QRICH1: variants seen among roughly 807,000 people sequenced by gnomAD.
QRICH1 encodes transcriptional regulator QRICH1.
Under a neutral mutation model 87.1 loss-of-function variants are expected in QRICH1, and 16 were observed. The ratio of observed to expected loss-of-function variants is 0.18; its 90% CI spans 0.12 to 0.28. The LOEUF (loss-of-function observed/expected upper bound fraction) is 0.28, where lower values mean the gene tolerates loss of function less well. Among genes scored for constraint, QRICH1 ranks in the 10% least tolerant of loss-of-function variants. The pLI, the probability that QRICH1 is intolerant of heterozygous loss-of-function variation, is 1.00. For synonymous variants in QRICH1, 367 were observed against 368.4 expected, an observed-to-expected ratio of 1.00 and a Z score of 0.05; for missense variants, 647 against 951.7, an observed-to-expected ratio of 0.68 and a Z score of 4.21.
intron 3 of QRICH1, among the ~76,000 whole-genome samples, chr3:49,054,277 G>C (rs1214039087): frequency 6.6e-6 from 1 of 152,120 alleles, no homozygotes; most frequent in Non-Finnish European, 1.5e-5. Flanking sequence ...AGCTAGGGGA[G>C]GCCTAATGGG....
intron 6 of QRICH1, among the ~76,000 whole-genome samples, chr3:49,039,383 G>A (rs1293627373): frequency 2.0e-5 from 3 of 150,578 alleles, no homozygotes; most frequent in Admixed American, 6.6e-5. Flanking sequence ...AAATAAATAA[G>A]TAAGTAAGTA....
Position 49,054,853 on chromosome 3 carries a change from G to C in QRICH1, c.1338+2009C>G, listed in dbSNP as rs553805258. ...GGAGTTAGAGGCTACAGTGAATTATGATCACTACCATACTCCTACCTGGGA... is the reference window on the plus strand; with the variant it reads ...GGAGTTAGAGGCTACAGTGAATTATCATCACTACCATACTCCTACCTGGGA... On this transcript the variant is annotated intron_variant, in intron 3 of 9. Coordinates refer to ENST00000395443, the MANE Select transcript of QRICH1 (RefSeq NM_198880.3). Among the ~76,000 whole-genome samples the C allele has an allele frequency of 8.5e-5, 13 of 152,228 alleles. No homozygotes were observed. In the South Asian group the frequency reaches 2.7e-3, roughly 32 times the overall value.
intron 1 of QRICH1, among the ~76,000 whole-genome samples, chr3:49,086,596 C>T (rs2042170713): frequency 6.6e-6 from 1 of 152,106 alleles, no homozygotes; most frequent in Non-Finnish European, 1.5e-5. Flanking sequence ...TGATGCACAG[C>T]AATTCTTCAC....
intron 5 of QRICH1, among the ~76,000 whole-genome samples, chr3:49,046,038 C>A (rs534029068): frequency 7.4e-4 from 113 of 151,968 alleles, no homozygotes; most frequent in African/African-American, 2.6e-3. Context: ...GCCTCAGCCT[C>A]CCAAATAGCA....
At chr3:49,092,444 G>A (rs2042294306) in intron 1 of QRICH1, 1 of 151,932 alleles carries the variant, frequency 6.6e-6, no homozygotes, top group South Asian at 2.1e-4. Flanking sequence ...GAGTTCTTAA[G>A]ACTTCTAATA....
At position 49,041,491 on chromosome 3, in the gene QRICH1, C is replaced by A. The variant is rs145252508; in HGVS notation, c.1786+2899G>T. Among the ~76,000 whole-genome samples the A allele has an allele frequency of 7.5e-3, 1,139 of 152,050 alleles. 10 individuals are homozygous for A. Among genetic ancestry groups the A allele is most frequent in the African/African-American group, 0.026 (1,086 of 41,472 alleles). On this transcript the variant is annotated intron_variant, in intron 6 of 9. Coordinates refer to ENST00000395443, the MANE Select transcript of QRICH1 (RefSeq NM_198880.3). The stretch of plus-strand genomic sequence containing the variant: ...TACAGGTGTGAGCTACCAGGCCCAG[C>A]CTAGATATTTATTATGAATGAGATG...
chr3:49,088,612 T>C (rs1365451743), intron 1 of QRICH1, among the ~76,000 whole-genome samples: 10 of 149,646 alleles, frequency 6.7e-5, no homozygotes, highest in Admixed American at 2.7e-4. Flanking sequence ...CACCAGGCTT[T>C]TGTCTGTTTT....
rs1037327350 is a variant in QRICH1, at chr3:49,057,852, C to T, written c.348G>A (p.Ser116=). The change falls in exon 3 of 10, where the codon TCG becomes TCA. Residue 116 remains serine, a synonymous_variant. Transcript: ENST00000395443. The surrounding 1 kb of genome is among the most constrained non-coding windows in gnomAD (Gnocchi z 5.4). ...CGGTGAGTTGTGGGGAGAGCTGAGCCGAGACCTGTTGCGGAGACTGCTGTA... is the reference window on the plus strand; with the variant it reads ...CGGTGAGTTGTGGGGAGAGCTGAGCTGAGACCTGTTGCGGAGACTGCTGTA... ...VQVQQSPQQV[S]AQLSPQLTVH... 6.2e-6 allele frequency: 10 copies of T among 1,613,952 alleles called. No homozygotes were observed. The East Asian group carries it at 8.9e-5, about 14-fold the overall frequency.
chr3:49,035,034 ACT>A (rs1256213159), intron 6 of QRICH1, among the ~76,000 whole-genome samples: 1 of 151,880 alleles, frequency 6.6e-6, no homozygotes, highest in East Asian at 1.9e-4. Context: ...GGCAGTTCTG[ACT>A]CTATTTTTTG....
rs2093224184 is a variant in QRICH1, at chr3:49,029,979, T to G, written c.*473A>C. The G allele has an allele frequency of 5.1e-6, 1 of 197,502 alleles. No individual in the cohort carries two copies. Among genetic ancestry groups the G allele is most frequent in the Admixed American group, 5.6e-5 (1 of 17,728 alleles). 12.2% of individuals were successfully genotyped at this position (197,502 alleles called of 1,614,324 possible). ...ATCATAATTGAAGTTCCCCTCATTTTTCTTCCATTAAGATGCTAAGTTTAT... is the reference window on the plus strand; with the variant it reads ...ATCATAATTGAAGTTCCCCTCATTTGTCTTCCATTAAGATGCTAAGTTTAT... On this transcript the variant is annotated 3_prime_UTR_variant, in exon 10 of 10. Coordinates refer to ENST00000395443, the MANE Select transcript of QRICH1 (RefSeq NM_198880.3).
intron 2 of QRICH1, among the ~76,000 whole-genome samples, chr3:49,070,444 T>C (rs971848827): frequency 6.6e-6 from 1 of 152,160 alleles, no homozygotes; most frequent in Non-Finnish European, 1.5e-5. Context: ...TGCTTTGTTG[T>C]TCTGTTTTTT....
Position 49,046,458 on chromosome 3 carries a change from A to T in QRICH1, c.1638T>A (p.Asp546Glu). Reference sequence around the variant, plus strand: ...TACACAGGAAAATATAGTAGAGCACATCTGGGTCATAGGGTTCACCTTCTC... The same window carrying T: ...TACACAGGAAAATATAGTAGAGCACTTCTGGGTCATAGGGTTCACCTTCTC... ...RNGEGEPYDP[D>E]VLYYIFLCIQ... is the part of the protein sequence containing the mutation. The change falls in exon 5 of 10, where the codon GAT becomes GAA. Residue 546 changes from aspartate to glutamate, a missense_variant. Physicochemically the swap from Asp to Glu is conservative, Grantham distance 45. This residue lies in a region of QRICH1 where 187 missense variants were observed against 309.5 expected (regional missense o/e 0.60). Transcript: ENST00000395443. 1 of 1,614,100 alleles carries T rather than the reference A, an allele frequency of 6.2e-7. No homozygotes were observed. Among genetic ancestry groups the T allele is most frequent in the Non-Finnish European group, 8.5e-7 (1 of 1,180,012 alleles).
At chr3:49,036,848 A>G (rs946442146) in intron 6 of QRICH1, among the ~76,000 whole-genome samples, 1 of 152,084 alleles carries the variant, frequency 6.6e-6, no homozygotes, top group East Asian at 1.9e-4. Context: ...GGAATGCCTA[A>G]GCTCAGGAGT....
chr3:49,037,632 T>C (rs551622987), intron 6 of QRICH1, among the ~76,000 whole-genome samples: 2 of 151,928 alleles, frequency 1.3e-5, no homozygotes, highest in Admixed American at 1.3e-4. Flanking sequence ...CTCGGGAGGC[T>C]GAGGCAGGAG....
chr3:49,087,003 C>A (rs1362267211), intron 1 of QRICH1: 1 of 151,734 alleles, frequency 6.6e-6, no homozygotes, highest in African/African-American at 2.4e-5. Flanking sequence ...CGCCTGTAAT[C>A]CCCAGCACTT....
At position 49,046,288 on chromosome 3, in the gene QRICH1, T is replaced by C. The variant is rs117112650; in HGVS notation, c.1671+137A>G. ...AAAAAAAAAAAAAAAACAACAAATG[T>C]GTATTTTAAAACTCACTGTATACCT... On this transcript the variant is annotated intron_variant, in intron 5 of 9. Coordinates refer to ENST00000395443, the MANE Select transcript of QRICH1 (RefSeq NM_198880.3). 4.1e-3 allele frequency: 3,614 copies of C among 877,642 alleles called. 194 individuals carry two copies. In the East Asian group the frequency reaches 0.096, roughly 23 times the overall value. The allele number at this position is 877,642 out of a possible 1,614,324, so 54.4% of individuals were successfully genotyped here.
rs1470531014 is a variant in QRICH1, at chr3:49,046,575, G to A, written c.1521C>T (p.Arg507=). 1.9e-6 allele frequency: 3 copies of A among 1,613,100 alleles called. No individual in the cohort carries two copies. The highest frequency in any genetic ancestry group is 2.5e-6 in the Non-Finnish European group (3 of 1,179,800). ...GATCTTCCTGGAATCGCAGCAGTTG[G>A]CGCCCTGCAACGGAAGCCTCAAAAA... ...AQNRLAPIGR[R]QLLRFQEDLI... Residue 507 remains arginine (R), a synonymous_variant, in exon 5 of 10, where the codon CGC becomes CGT. Coordinates refer to ENST00000395443, the MANE Select transcript of QRICH1 (RefSeq NM_198880.3).
chr3:49,074,148 CA>C (rs1300877096), intron 2 of QRICH1, among the ~76,000 whole-genome samples: 1 of 152,132 alleles, frequency 6.6e-6, no homozygotes, highest in Non-Finnish European at 1.5e-5. Context: ...TATGGAATCA[CA>C]CAAGTTAATG....
chr3:49,067,657 G>A (rs188547020), intron 2 of QRICH1, among the ~76,000 whole-genome samples: 1 of 151,732 alleles, frequency 6.6e-6, no homozygotes, highest in East Asian at 1.9e-4. Flanking sequence ...TTTTTCACTG[G>A]GTAGAAAATT....
Sources: allele counts gnomAD v4.1 joint callset (sites outside exome capture counted in the v4.1 genomes callset), GRCh38; gene constraint gnomAD v4.1.1; regional missense constraint gnomAD v4.1.1; non-coding constraint Gnocchi (gnomAD v3.1); transcripts MANE v1.5; gene names NCBI Gene and HGNC (gene_info 2026-07-23, HGNC 2026-07-21).